SORCS3: variants seen among roughly 807,000 people sequenced by gnomAD.
The protein encoded by SORCS3 is sortilin related VPS10 domain containing receptor 3.
Under a neutral mutation model 146.3 loss-of-function variants are expected in SORCS3, and 57 were observed. The observed-to-expected ratio is 0.39, with a 90% CI of 0.31 to 0.49. The LOEUF is 0.49. Ranked by LOEUF, SORCS3 falls within the 20% of genes least tolerant of loss-of-function variation. The pLI is 0.92. For missense variants in SORCS3, 1,341 were observed against 1,575.5 expected, an observed-to-expected ratio of 0.85 and a Z score of 2.52; for synonymous variants, 653 against 618.5, an observed-to-expected ratio of 1.06 and a Z score of -0.83.
chr10:105,058,768 C>G (rs1018018588), intron 5 of SORCS3, among the ~76,000 whole-genome samples: 2 of 152,032 alleles, frequency 1.3e-5, no homozygotes, highest in Non-Finnish European at 2.9e-5. Context: ...CAAGGGAGAA[C>G]CGGCAGTGAA....
chr10:104,662,237 G>A (rs1326688223), intron 1 of SORCS3, among the ~76,000 whole-genome samples: 6 of 152,070 alleles, frequency 3.9e-5, no homozygotes, highest in African/African-American at 2.4e-5. Flanking sequence ...GGTGGGAGAA[G>A]GTAAAGACAT....
intron 3 of SORCS3, among the ~76,000 whole-genome samples, chr10:104,930,316 A>G (rs2019194380): frequency 6.6e-6 from 1 of 152,214 alleles, no homozygotes; most frequent in Admixed American, 6.5e-5. Flanking sequence ...CAACTTTTAA[A>G]CATATGCTTC....
chr10:104,807,787 G>A (rs1399286212), intron 1 of SORCS3, among the ~76,000 whole-genome samples: 2 of 152,138 alleles, frequency 1.3e-5, no homozygotes, highest in African/African-American at 2.4e-5. Context: ...GATTTATAGC[G>A]ATGATTCCAT....
chr10:104,850,789 G>A (rs1019455557), intron 2 of SORCS3, among the ~76,000 whole-genome samples: 2 of 152,210 alleles, frequency 1.3e-5, no homozygotes, highest in African/African-American at 2.4e-5. Context: ...CACAGTCTCT[G>A]CCATACTGGG....
chr10:104,680,214 G>A (rs961100201), intron 1 of SORCS3, among the ~76,000 whole-genome samples: 1 of 152,204 alleles, frequency 6.6e-6, no homozygotes, highest in Non-Finnish European at 1.5e-5. Flanking sequence ...TCACTGTTGA[G>A]TCCTAGATGA....
intron 5 of SORCS3, among the ~76,000 whole-genome samples, chr10:105,062,521 A>T (rs1564745394): frequency 1.3e-5 from 2 of 152,146 alleles, no homozygotes. Context: ...GTGGGAGGGT[A>T]GACCAGAGCA....
At chr10:105,235,568 G>A (rs2056788729) in intron 20 of SORCS3, among the ~76,000 whole-genome samples, 1 of 151,564 alleles carries the variant, frequency 6.6e-6, no homozygotes, top group African/African-American at 2.4e-5. Context: ...TTTAAGTAAG[G>A]TACGACCTCA....
chr10:104,859,192 G>C (rs1048714720), intron 2 of SORCS3, among the ~76,000 whole-genome samples: 1 of 152,112 alleles, frequency 6.6e-6, no homozygotes, highest in Non-Finnish European at 1.5e-5. Context: ...ACTCAAAGAA[G>C]AATGTGTCTC....
rs2133740767 is a variant in SORCS3 at position 105,089,833 on chromosome 10, G to A, written c.1087G>A (p.Asp363Asn). 6.2e-7 allele frequency: 1 copy of A among 1,613,888 alleles called. No homozygotes were observed. The highest frequency in any genetic ancestry group is 8.5e-7 in the Non-Finnish European group (1 of 1,179,810). Residue 363 changes from aspartate (D) to asparagine (N), a missense_variant, in exon 6 of 27, where the codon GAT (aspartate) becomes AAT (asparagine). Asp to Asn is a conservative substitution (Grantham distance 23). Coordinates refer to ENST00000369701, the MANE Select transcript of SORCS3 (RefSeq NM_014978.3). ...DLVHMEVRTT[D>N]GYAHYLTCRI... ...GGTGCACATGGAGGTGCGGACCACG[G>A]ATGGATGTGAGTTCTGCTACAGCCA...
At chr10:104,748,065 C>G (rs957574494) in intron 1 of SORCS3, among the ~76,000 whole-genome samples, 3 of 152,220 alleles carry the variant, frequency 2.0e-5, no homozygotes, top group Admixed American at 6.5e-5. Context: ...AGCACAATAA[C>G]CAATATTGGC....
At chr10:104,722,505 G>A (rs558454648) in intron 1 of SORCS3, among the ~76,000 whole-genome samples, 3 of 152,308 alleles carry the variant, frequency 2.0e-5, no homozygotes, top group Non-Finnish European at 4.4e-5. Flanking sequence ...AATGAGTTAG[G>A]GAGGATTCCC....
intron 1 of SORCS3, among the ~76,000 whole-genome samples, chr10:104,684,777 G>GTGTTT (rs1427375693): frequency 1.0e-4 from 11 of 110,420 alleles, no homozygotes; most frequent in African/African-American, 3.4e-4. Context: ...AAAGTCCTCA[G>GTGTTT]TGTTTTTTTT....
intron 5 of SORCS3, among the ~76,000 whole-genome samples, chr10:105,061,560 G>T (rs571455282): frequency 6.6e-6 from 1 of 151,002 alleles, no homozygotes; most frequent in East Asian, 2.0e-4. Flanking sequence ...CCCCCAAAGT[G>T]CTTGGATTAA....
chr10:104,739,322 C>A (rs1187737606), intron 1 of SORCS3, among the ~76,000 whole-genome samples: 2 of 152,164 alleles, frequency 1.3e-5, no homozygotes, highest in African/African-American at 2.4e-5. Flanking sequence ...ATAGGTCAGG[C>A]AAATGGGTCA....
chr10:105,091,827 A>C (rs1334715037), intron 6 of SORCS3, among the ~76,000 whole-genome samples: 1 of 152,182 alleles, frequency 6.6e-6, no homozygotes, highest in East Asian at 1.9e-4. Flanking sequence ...GCATAGAAGG[A>C]CAGGAGGAGG....
At chr10:105,089,002 T>C (rs2055683082) in intron 5 of SORCS3, among the ~76,000 whole-genome samples, 1 of 152,194 alleles carries the variant, frequency 6.6e-6, no homozygotes, top group Non-Finnish European at 1.5e-5. Context: ...GTGTGTCAGC[T>C]CTTTTCAGTG....
At chr10:104,669,332 G>A (rs1015378818) in intron 1 of SORCS3, among the ~76,000 whole-genome samples, 3 of 152,100 alleles carry the variant, frequency 2.0e-5, no homozygotes, top group East Asian at 1.9e-4. Flanking sequence ...CAGCGTCACC[G>A]CCATTCATCT....
At chr10:104,945,059 A>T (rs2019356238) in intron 3 of SORCS3, among the ~76,000 whole-genome samples, 1 of 152,166 alleles carries the variant, frequency 6.6e-6, no homozygotes, top group African/African-American at 2.4e-5. Flanking sequence ...GATTAATCTC[A>T]TAGAGTATTG....
chr10:105,060,843 A>G (rs1275158243), intron 5 of SORCS3, among the ~76,000 whole-genome samples: 1 of 152,064 alleles, frequency 6.6e-6, no homozygotes, highest in Admixed American at 6.5e-5. Context: ...AGCCTGAGAC[A>G]GGAGAATCCC....
Sources: gnomAD v4.1 joint callset for allele counts (sites outside exome capture counted in the v4.1 genomes callset) on GRCh38, gnomAD v4.1.1 for gene constraint, MANE v1.5 for transcripts, NCBI Gene and HGNC (gene_info 2026-07-23, HGNC 2026-07-21) for gene names.